Variants in SLC4A10 observed in about 807,000 individuals in gnomAD.
SLC4A10 encodes sodium-driven chloride bicarbonate exchanger.
Under a neutral mutation model 137.7 loss-of-function variants are expected in SLC4A10, and 42 were observed. The observed-to-expected ratio is 0.30, with a 90% CI of 0.24 to 0.39. SLC4A10 has a LOEUF of 0.39. Ranked by LOEUF, SLC4A10 falls within the 10% of genes least tolerant of loss-of-function variation. The pLI, the probability that SLC4A10 is intolerant of heterozygous loss-of-function variation, is 1.00. For missense variants in SLC4A10, 925 were observed against 1,355.0 expected, an observed-to-expected ratio of 0.68 and a Z score of 4.98; for synonymous variants, 474 against 464.1, an observed-to-expected ratio of 1.02 and a Z score of -0.27.
intron 1 of SLC4A10, among the ~76,000 whole-genome samples, chr2:161,769,943 G>T (rs970873092): frequency 1.3e-5 from 2 of 151,702 alleles, no homozygotes; most frequent in Non-Finnish European, 2.9e-5. Context: ...CAATGTAGTT[G>T]CTGGATAGAA....
intron 6 of SLC4A10, among the ~76,000 whole-genome samples, chr2:161,871,097 T>G (rs2061089602): frequency 6.6e-6 from 1 of 151,906 alleles, no homozygotes; most frequent in Admixed American, 6.6e-5. Flanking sequence ...TGGTAATTTC[T>G]AGGTAACAAA....
chr2:161,730,162 T>C lies in SLC4A10; in HGVS notation c.49-40811T>C, dbSNP rs558364828. Among the ~76,000 whole-genome samples, 8 of 152,350 alleles carry C rather than the reference T, an allele frequency of 5.3e-5. No homozygotes were observed. The South Asian group carries it at 1.7e-3, about 32-fold the overall frequency. ...AATTACTTTGTTGCACTTTTATCTC[T>C]GTCTCAGAGAGGAGAGGAGCATAAT... On this transcript the variant is annotated intron_variant, in intron 1 of 26. Transcript: ENST00000446997.
chr2:161,716,771 G>T (rs755211631), intron 1 of SLC4A10, among the ~76,000 whole-genome samples: 21 of 151,934 alleles, frequency 1.4e-4, no homozygotes, highest in Non-Finnish European at 2.9e-4. Flanking sequence ...TTTTCCTTAG[G>T]ATTGTCTTGA....
chr2:161,698,687 T>C (rs1235886236), intron 1 of SLC4A10, among the ~76,000 whole-genome samples: 1 of 152,202 alleles, frequency 6.6e-6, no homozygotes, highest in Non-Finnish European at 1.5e-5. Context: ...AGCTTTCTGA[T>C]GTGCTGCTGG....
At chr2:161,900,579 C>T (rs1365386051) in intron 11 of SLC4A10, among the ~76,000 whole-genome samples, 1 of 151,966 alleles carries the variant, frequency 6.6e-6, no homozygotes, top group East Asian at 1.9e-4. Context: ...TTTTCTTGCC[C>T]ACCTTTGCAG....
chr2:161,656,454 G>T (rs1028800292), intron 1 of SLC4A10, among the ~76,000 whole-genome samples: 3 of 151,980 alleles, frequency 2.0e-5, no homozygotes, highest in African/African-American at 7.2e-5. Context: ...CAAGAACATA[G>T]AAATGACATC....
chr2:161,799,658 A>G (rs2055167982), intron 2 of SLC4A10, among the ~76,000 whole-genome samples: 1 of 151,976 alleles, frequency 6.6e-6, no homozygotes, highest in Admixed American at 6.6e-5. Flanking sequence ...ATTGTCTTTC[A>G]TATTTTATAT....
intron 1 of SLC4A10, among the ~76,000 whole-genome samples, chr2:161,725,283 A>G (rs1347265783): frequency 6.6e-6 from 1 of 152,026 alleles, no homozygotes. Flanking sequence ...AACTCTTTCC[A>G]CTTTTTGTAG....
intron 2 of SLC4A10, among the ~76,000 whole-genome samples, chr2:161,783,262 T>C (rs566969732): frequency 2.0e-5 from 3 of 151,846 alleles, no homozygotes; most frequent in Non-Finnish European, 2.9e-5. Flanking sequence ...CTAGACCAAA[T>C]GAAACTGTCA....
intron 1 of SLC4A10, among the ~76,000 whole-genome samples, chr2:161,734,201 G>A (rs1025214971): frequency 2.6e-5 from 4 of 152,096 alleles, no homozygotes; most frequent in Non-Finnish European, 4.4e-5. Context: ...AGGGGCCAGG[G>A]GTGGAATGAT....
chr2:161,946,386 A>G (rs920688422), intron 16 of SLC4A10, among the ~76,000 whole-genome samples: 2 of 152,078 alleles, frequency 1.3e-5, no homozygotes, highest in Admixed American at 1.3e-4. Flanking sequence ...AATTTATTCT[A>G]CAATCTTTGG....
chr2:161,703,064 T>C (rs1468334656), intron 1 of SLC4A10, among the ~76,000 whole-genome samples: 1 of 151,774 alleles, frequency 6.6e-6, no homozygotes, highest in Admixed American at 6.6e-5. Context: ...AACATGATAT[T>C]TCTATTGGAG....
intron 2 of SLC4A10, among the ~76,000 whole-genome samples, chr2:161,786,197 T>C (rs552469131): frequency 2.0e-5 from 3 of 152,116 alleles, no homozygotes; most frequent in Admixed American, 6.5e-5. Context: ...TTTTTTTAAC[T>C]ATTATTGGTA....
chr2:161,961,398 C>A (rs894858143), intron 21 of SLC4A10, among the ~76,000 whole-genome samples: 3 of 152,038 alleles, frequency 2.0e-5, no homozygotes, highest in Non-Finnish European at 2.9e-5. Flanking sequence ...GATGGTTGAG[C>A]CATGTTATAT....
chr2:161,804,396 C>A, intron 2 of SLC4A10, 53 bp from the exon 3 acceptor site: 1 of 1,571,632 alleles, frequency 6.4e-7, no homozygotes, highest in East Asian at 2.3e-5. Context: ...ATCATCATAT[C>A]TGTGCCCTGG....
intron 1 of SLC4A10, among the ~76,000 whole-genome samples, chr2:161,736,845 G>GTATTAT (rs1253875614): frequency 6.6e-6 from 1 of 151,920 alleles, no homozygotes; most frequent in Admixed American, 6.6e-5. Context: ...ATAAATGGAA[G>GTATTAT]TATTATTATT....
chr2:161,908,598 T>TA (rs200861446), intron 15 of SLC4A10, among the ~76,000 whole-genome samples: 1,590 of 139,220 alleles, frequency 0.011, 21 homozygotes, highest in African/African-American at 0.034. Context: ...ATAATAAAAT[T>TA]AAAAAAAAAA....
At chr2:161,797,484 T>C (rs1371574489) in intron 2 of SLC4A10, among the ~76,000 whole-genome samples, 3 of 152,052 alleles carry the variant, frequency 2.0e-5, no homozygotes, top group Non-Finnish European at 4.4e-5. Context: ...TGTGTATTTT[T>C]AATTTGTATT....
chr2:161,695,748 C>G (rs928236198), intron 1 of SLC4A10, among the ~76,000 whole-genome samples: 1 of 152,082 alleles, frequency 6.6e-6, no homozygotes, highest in African/African-American at 2.4e-5. Flanking sequence ...TACAGTCAGG[C>G]TTAAGAATCA....
Sources: allele counts gnomAD v4.1 joint callset (sites outside exome capture counted in the v4.1 genomes callset), GRCh38; gene constraint gnomAD v4.1.1; transcripts MANE v1.5; gene names NCBI Gene and HGNC (gene_info 2026-07-23, HGNC 2026-07-21).